The following RSBN1 variants were observed in gnomAD, a reference collection of about 807,000 sequenced individuals.
RSBN1 encodes round spermatid basic protein 1.
Under a neutral mutation model 74.8 loss-of-function variants are expected in RSBN1, and 23 were observed. The observed-to-expected ratio is 0.31, with a 90% confidence interval of 0.22 to 0.44. RSBN1 has a LOEUF of 0.44. RSBN1 is among the 20% of genes least tolerant of loss of function. The pLI is 1.00. For missense variants in RSBN1, 808 were observed against 1,020.9 expected, an observed-to-expected ratio of 0.79 and a Z score of 2.84; for synonymous variants, 407 against 379.6, an observed-to-expected ratio of 1.07 and a Z score of -0.84.
intron 2 of RSBN1, among the ~76,000 whole-genome samples, chr1:113,781,842 A>C (rs1316305133): frequency 2.0e-5 from 3 of 152,208 alleles, no homozygotes; most frequent in Non-Finnish European, 4.4e-5. Context: ...CACTGCCTTA[A>C]TTCAGGAAAT....
intron 2 of RSBN1, among the ~76,000 whole-genome samples, chr1:113,778,895 G>A (rs1038176622): frequency 1.3e-5 from 2 of 152,082 alleles, no homozygotes; most frequent in African/African-American, 4.8e-5. Flanking sequence ...ATCCTATCTA[G>A]CATCTGAATG....
chr1:113,798,020 A>G lies in RSBN1; in HGVS notation c.720T>C (p.Asn240=), dbSNP rs1050225706. Residue 240 remains asparagine, a synonymous_variant, in exon 2 of 7, where the codon AAT becomes AAC. Transcript: ENST00000261441. The part of the protein sequence containing the change: ...KAPKRETPDE[N]GKTQRADDFV... ...AATCATCGGCTCTCTGGGTTTTACC[A>G]TTTTCATCTGGTGTTTCTGGCCACA... 6 of 1,602,962 alleles carry G rather than the reference A, an allele frequency of 3.7e-6. No individual in the cohort carries two copies. The African/African-American group carries it at 6.8e-5, about 18-fold the overall frequency.
At chr1:113,768,196 C>T (rs1388934390) in intron 5 of RSBN1, 26 bp downstream of exon 5, 1 of 1,572,682 alleles carries the variant, frequency 6.4e-7, no homozygotes, top group South Asian at 1.2e-5. Flanking sequence ...ATTAACCAAC[C>T]TTGCAGTTGA....
In RSBN1 at chr1:113,800,218, C is replaced by T. The variant is rs114443065; in HGVS notation, c.704-2182G>A. ...CTTCTAAGAACAATAAAATGAAAAC[C>T]GTTTATTTGCAAATATCACTTGTAA... is the stretch of plus-strand genomic sequence containing the variant. On this transcript the variant is annotated intron_variant, in intron 1 of 6. Transcript: ENST00000261441. 5.3e-3 allele frequency among the ~76,000 whole-genome samples: 802 copies of T among 152,024 alleles called. 8 individuals carry two copies. Among genetic ancestry groups the T allele is most frequent in the African/African-American group, 0.018 (762 of 41,496 alleles).
intron 1 of RSBN1, among the ~76,000 whole-genome samples, chr1:113,809,150 T>C (rs1660777732): frequency 6.6e-6 from 1 of 152,116 alleles, no homozygotes; most frequent in South Asian, 2.1e-4. Flanking sequence ...TCCTTATTAA[T>C]CTTAGAGTTG....
At chr1:113,777,401 A>G (rs1228925498) in intron 3 of RSBN1, 49 bp from the exon 4 acceptor site, 3 of 1,559,098 alleles carry the variant, frequency 1.9e-6, no homozygotes, top group Non-Finnish European at 2.6e-6. Flanking sequence ...TCAATGATTT[A>G]TAAGTTAATC....
intron 2 of RSBN1, among the ~76,000 whole-genome samples, chr1:113,781,616 T>C: frequency 6.6e-6 from 1 of 152,184 alleles, no homozygotes; most frequent in East Asian, 1.9e-4. Context: ...AAATGCCTCC[T>C]GGGCAGCCCA....
intron 4 of RSBN1, among the ~76,000 whole-genome samples, chr1:113,775,052 C>A (rs1158135932): frequency 6.8e-6 from 1 of 146,126 alleles, no homozygotes; most frequent in African/African-American, 2.5e-5. Context: ...GAGATGAAGT[C>A]TTGCTCTTGT....
intron 3 of RSBN1, among the ~76,000 whole-genome samples, 157 bp from the exon 4 acceptor site, chr1:113,777,509 G>T (rs1348284994): frequency 6.6e-6 from 1 of 152,108 alleles, no homozygotes; most frequent in Non-Finnish European, 1.5e-5. Flanking sequence ...AAGAATAATT[G>T]AATTTAAGTA....
intron 1 of RSBN1, among the ~76,000 whole-genome samples, chr1:113,805,630 T>C (rs551476073): frequency 2.6e-4 from 40 of 152,368 alleles, no homozygotes; most frequent in Non-Finnish European, 3.4e-4. Flanking sequence ...TTTCACTTCA[T>C]CTCTCTGAAA....
At chr1:113,769,695 A>G (rs1659852902) in intron 4 of RSBN1, among the ~76,000 whole-genome samples, 1 of 152,240 alleles carries the variant, frequency 6.6e-6, no homozygotes, top group Admixed American at 6.5e-5. Flanking sequence ...ACCTGAGACT[A>G]ATAAAACTGT....
chr1:113,790,118 A>G (rs1332459453), intron 2 of RSBN1, among the ~76,000 whole-genome samples: 1 of 152,186 alleles, frequency 6.6e-6, no homozygotes, highest in Non-Finnish European at 1.5e-5. Context: ...AAAGACACGA[A>G]GCAGAAATTC....
At chr1:113,796,319 CA>C (rs1365342134) in intron 2 of RSBN1, 1 of 152,072 alleles carries the variant, frequency 6.6e-6, no homozygotes, top group East Asian at 1.9e-4. Flanking sequence ...GAGAGAACTT[CA>C]ATTAGAGAAA....
rs1313778758 is a variant in RSBN1 at position 113,811,745 on chromosome 1, G to A, written c.668C>T (p.Thr223Ile). Residue 223 changes from threonine (T) to isoleucine (I), a missense_variant, in exon 1 of 7, where the codon ACT becomes ATT. Physicochemically the swap from Thr to Ile is moderately conservative, Grantham distance 89. Transcript: ENST00000261441. ...GGCTTTGATCAGAGGCACCCCTCCA[G>A]TCCTCTCGCCGTTTTCCTGCTTGTC... is the stretch of plus-strand genomic sequence containing the variant. ...HKDKQENGER[T>I]GGVPLIKAPK... 3 of 1,611,264 alleles carry A rather than the reference G, an allele frequency of 1.9e-6. No individual in the cohort carries two copies. The highest frequency in any genetic ancestry group is 1.7e-5 in the Admixed American group (1 of 59,830).
intron 1 of RSBN1, among the ~76,000 whole-genome samples, chr1:113,802,393 C>G (rs1379080410): frequency 6.6e-6 from 1 of 150,982 alleles, no homozygotes; most frequent in Non-Finnish European, 1.5e-5. Flanking sequence ...TAATTGCTTA[C>G]ATCTTATTAT....
intron 2 of RSBN1, among the ~76,000 whole-genome samples, chr1:113,781,826 C>T (rs967252890): frequency 6.6e-6 from 1 of 152,202 alleles, no homozygotes. Flanking sequence ...ACTAAATCTG[C>T]AGTACCACTG....
At chr1:113,789,809 G>A (rs1390160880) in intron 2 of RSBN1, among the ~76,000 whole-genome samples, 1 of 152,190 alleles carries the variant, frequency 6.6e-6, no homozygotes, top group Non-Finnish European at 1.5e-5. Context: ...GAAAAGTAAA[G>A]TGTTCAAAAA....
chr1:113,799,237 G>A (rs1348120987), intron 1 of RSBN1, among the ~76,000 whole-genome samples: 2 of 152,100 alleles, frequency 1.3e-5, no homozygotes, highest in Non-Finnish European at 2.9e-5. Flanking sequence ...CCCGCTTTTT[G>A]AGGAGTATGG....
chr1:113,782,911 A>T (rs916075506), intron 2 of RSBN1, among the ~76,000 whole-genome samples: 1 of 152,170 alleles, frequency 6.6e-6, no homozygotes, highest in African/African-American at 2.4e-5. Flanking sequence ...ACATTTTTTC[A>T]TATACCTGTT....
Sources: gnomAD v4.1 joint callset for allele counts (sites outside exome capture counted in the v4.1 genomes callset) on GRCh38, gnomAD v4.1.1 for gene constraint, MANE v1.5 for transcripts, NCBI Gene and HGNC (gene_info 2026-07-23, HGNC 2026-07-21) for gene names.